Variants in ZNF326 observed in about 807,000 individuals in gnomAD.
ZNF326 encodes the protein DBIRD complex subunit ZNF326.
A neutral mutation model predicts 63.1 loss-of-function variants in ZNF326; 30 were observed. The ratio of observed to expected loss-of-function variants is 0.48; its 90% confidence interval spans 0.36 to 0.64. The LOEUF (loss-of-function observed/expected upper bound fraction) is 0.64. Among genes scored for constraint, ZNF326 ranks in the 30% least tolerant of loss-of-function variants. ZNF326 has a pLI of 0.00. For synonymous variants in ZNF326, 194 were observed against 228.2 expected (o/e 0.85, Z 1.35); for missense variants, 609 against 720.3 (o/e 0.85, Z 1.77).
chr1:90,011,607 G>T (rs1398636416), intron 6 of ZNF326, among the ~76,000 whole-genome samples: 1 of 149,354 alleles, frequency 6.7e-6, no homozygotes, highest in Non-Finnish European at 1.5e-5. Context: ...TACCCACTTG[G>T]ATGGTCATAA....
rs554643375 is a variant in ZNF326, at chr1:90,033,334, G to A, written c.*5633G>A. 1 of 152,048 alleles carries A rather than the reference G, an allele frequency of 6.6e-6. No individual in the cohort carries two copies. Among genetic ancestry groups the A allele is most frequent in the Non-Finnish European group, 1.5e-5 (1 of 68,002 alleles). 9.4% of individuals were successfully genotyped at this position (152,048 alleles called of 1,614,324 possible). A position where few individuals can be genotyped will look rare whatever the true frequency, so the allele number is the denominator to read the frequency against. ...AGAAACAGCAAATATTTAAGGAAAA[G>A]AGCAACATGAAAAATACACAGCAAA... On this transcript the variant is annotated 3_prime_UTR_variant, in exon 12 of 12. Coordinates refer to ENST00000340281, the MANE Select transcript of ZNF326 (RefSeq NM_182976.4).
chr1:90,005,791 G>T lies in ZNF326; in HGVS notation c.209+547G>T, dbSNP rs1471647079. The T allele has an allele frequency of 5.1e-6, 5 of 984,924 alleles. No individual in the cohort carries two copies. The Admixed American group carries it at 1.8e-4, about 36-fold the overall frequency. 61.0% of individuals were successfully genotyped at this position (984,924 alleles called of 1,614,324 possible). On this transcript the variant is annotated intron_variant, in intron 4 of 11. Coordinates refer to ENST00000340281, the MANE Select transcript of ZNF326 (RefSeq NM_182976.4). ...AAAATATTTTTAAAATTATGTTCAG[G>T]TTATTTATTGACAGGTACTACTTAC...
Position 90,006,494 on chromosome 1 carries a change from ATTTC to A in ZNF326, c.210-848_210-845del, listed in dbSNP as rs144348208. On this transcript the variant is annotated intron_variant, in intron 4 of 11. Coordinates refer to ENST00000340281, the MANE Select transcript of ZNF326 (RefSeq NM_182976.4). ...GGGTTTGTGAGAAGGAAGATGATTTATTTCTTCTGTTAACTCTCTTAAAACCTCG... is the reference window on the plus strand; with the variant it reads ...GGGTTTGTGAGAAGGAAGATGATTTATTCTGTTAACTCTCTTAAAACCTCG... The A allele has an allele frequency of 5.6e-4, 554 of 984,768 alleles. 4 individuals are homozygous for A. In the African/African-American group the frequency reaches 9.0e-3, roughly 16 times the overall value. The allele number at this position is 984,768 out of a possible 1,614,324, so 61.0% of individuals were successfully genotyped here. A position where few individuals can be genotyped will look rare whatever the true frequency, so the allele number is the denominator to read the frequency against.
intron 8 of ZNF326, among the ~76,000 whole-genome samples, chr1:90,017,866 TAATG>T (rs1317621113): frequency 6.6e-6 from 1 of 152,108 alleles, no homozygotes; most frequent in African/African-American, 2.4e-5. Context: ...AATTCAGAAA[TAATG>T]TAGGAGTTTA....
intron 7 of ZNF326, among the ~76,000 whole-genome samples, chr1:90,014,034 C>T (rs1185799493): frequency 6.6e-6 from 1 of 150,992 alleles, no homozygotes; most frequent in Non-Finnish European, 1.5e-5. Flanking sequence ...CACTGCACTC[C>T]AGCCTGGGCA....
At chr1:90,012,623 T>A (rs1649305050) in intron 6 of ZNF326, among the ~76,000 whole-genome samples, 1 of 152,168 alleles carries the variant, frequency 6.6e-6, no homozygotes, top group African/African-American at 2.4e-5. Flanking sequence ...GAATATTTTT[T>A]AAAAAAGAGA....
chr1:90,010,425 C>T (rs1240940072), intron 6 of ZNF326, 139 bp downstream of exon 6: 5 of 881,794 alleles, frequency 5.7e-6, no homozygotes, highest in African/African-American at 3.4e-5. Context: ...TGTAAATCCC[C>T]TATTGCAGTT....
Position 90,033,317 on chromosome 1 carries a change from C to T in ZNF326, c.*5616C>T, listed in dbSNP as rs1650351507. ...TTGCAAGTAGACAAATGAGAAACAGCAAATATTTAAGGAAAAGAGCAACAT... is the reference window on the plus strand; with the variant it reads ...TTGCAAGTAGACAAATGAGAAACAGTAAATATTTAAGGAAAAGAGCAACAT... On this transcript the variant is annotated 3_prime_UTR_variant, in exon 12 of 12. Transcript: ENST00000340281. The T allele has an allele frequency of 6.6e-6, 1 of 151,768 alleles. No homozygotes were observed. The highest frequency in any genetic ancestry group is 1.5e-5 in the Non-Finnish European group (1 of 67,972). 9.4% of individuals were successfully genotyped at this position (151,768 alleles called of 1,614,324 possible). A position where few individuals can be genotyped will look rare whatever the true frequency, so the allele number is the denominator to read the frequency against.
intron 6 of ZNF326, among the ~76,000 whole-genome samples, chr1:90,011,441 A>G (rs959279304): frequency 6.6e-6 from 1 of 152,148 alleles, no homozygotes; most frequent in Non-Finnish European, 1.5e-5. Flanking sequence ...TAATATATAA[A>G]TAAGTAGATT....
chr1:90,004,801 T>TTC (rs1306342644), intron 2 of ZNF326, among the ~76,000 whole-genome samples: 27 of 147,868 alleles, frequency 1.8e-4, no homozygotes, highest in African/African-American at 6.6e-4. Context: ...ATCAGGGCTT[T>TTC]TTTTTTTTTT....
intron 7 of ZNF326, among the ~76,000 whole-genome samples, chr1:90,014,317 C>G (rs1044021688): frequency 1.3e-5 from 2 of 151,948 alleles, no homozygotes; most frequent in African/African-American, 4.8e-5. Flanking sequence ...AAAATATAAA[C>G]ATGAGAAATG....
chr1:90,018,649 G>A, intron 8 of ZNF326, 36 bp from the exon 9 acceptor site: 3 of 1,303,222 alleles, frequency 2.3e-6, no homozygotes, highest in Non-Finnish European at 3.2e-6. Context: ...AGTGCTCATT[G>A]AAAGCTATTT....
chr1:90,017,136 A>G (rs2101080247), intron 7 of ZNF326, among the ~76,000 whole-genome samples, 181 bp from the exon 8 acceptor site: 1 of 152,224 alleles, frequency 6.6e-6, no homozygotes, highest in East Asian at 1.9e-4. Context: ...GTATATGGGT[A>G]CTGTCCAAAT....
At chr1:90,027,288 A>AT (rs1650054403) in intron 11 of ZNF326, 66 bp from the exon 12 acceptor site, 1 of 1,477,870 alleles carries the variant, frequency 6.8e-7, no homozygotes, top group African/African-American at 1.4e-5. Context: ...GCAAGTAAAA[A>AT]TTTCACTTGC....
At position 90,000,038 on chromosome 1, in the gene ZNF326, T is replaced by G. The variant is rs552774739; in HGVS notation, c.61+1884T>G. ...ATGATCATTGCGAGGGAGAGTAACA[T>G]AGAGAAGGAGGATAAATGTGTGTGT... On this transcript the variant is annotated intron_variant, in intron 2 of 11. Transcript: ENST00000340281. Among the ~76,000 whole-genome samples, 9 of 152,264 alleles carry G rather than the reference T, an allele frequency of 5.9e-5. No individual in the cohort carries two copies. The South Asian group carries it at 1.9e-3, about 32-fold the overall frequency.
At chr1:90,022,573 A>G (rs947671834) in intron 11 of ZNF326, among the ~76,000 whole-genome samples, 2 of 152,246 alleles carry the variant, frequency 1.3e-5, no homozygotes, top group Non-Finnish European at 2.9e-5. Flanking sequence ...TCAATGAGAA[A>G]TACACAAGCA....
rs1395694801 is a variant in ZNF326 at position 90,035,471 on chromosome 1, T to C, written c.*7770T>C. 1 of 152,058 alleles carries C rather than the reference T, an allele frequency of 6.6e-6. No individual in the cohort carries two copies. Among genetic ancestry groups the C allele is most frequent in the Non-Finnish European group, 1.5e-5 (1 of 67,996 alleles). 9.4% of individuals were successfully genotyped at this position (152,058 alleles called of 1,614,324 possible). A position where few individuals can be genotyped will look rare whatever the true frequency, so the allele number is the denominator to read the frequency against. On this transcript the variant is annotated 3_prime_UTR_variant, in exon 12 of 12. Coordinates refer to ENST00000340281, the MANE Select transcript of ZNF326 (RefSeq NM_182976.4). ...GTCTAAGAATAAACAATGGGAAAAA[T>C]GCAAAATCCTTATGAGGAAAATGAT...
At position 90,014,139 on chromosome 1, in the gene ZNF326, C is replaced by A. The variant is rs561940539; in HGVS notation, c.926+902C>A. On this transcript the variant is annotated intron_variant, in intron 7 of 11. Coordinates refer to ENST00000340281, the MANE Select transcript of ZNF326 (RefSeq NM_182976.4). The stretch of plus-strand genomic sequence containing the variant: ...CAGTTTAGAGCCTCCTCATATGACA[C>A]CTGGAATGAATGTAGTAAAAAAAAA... Among the ~76,000 whole-genome samples the A allele has an allele frequency of 2.0e-5, 3 of 151,416 alleles. No homozygotes were observed. The East Asian group carries it at 5.8e-4, about 29-fold the overall frequency.
Position 90,020,839 on chromosome 1 carries a change from A to G in ZNF326, c.1222A>G (p.Ser408Gly). ...GATGAAGGTAGAGACAGTTCATTGC[A>G]GCGCTTGCAGTGTTTATATCCCTGC... ...HMMKVETVHC[S>G]ACSVYIPALH... is the part of the protein sequence containing the mutation. Residue 408 changes from serine to glycine, a missense_variant, in exon 10 of 12, where the codon AGC (serine) becomes GGC (glycine). By Grantham distance (56) the Ser-to-Gly change is moderately conservative. Transcript: ENST00000340281. The G allele has an allele frequency of 6.2e-7, 1 of 1,613,142 alleles. No homozygotes were observed. The highest frequency in any genetic ancestry group is 1.1e-5 in the South Asian group (1 of 91,006).
Sources: gnomAD v4.1 joint callset for allele counts (sites outside exome capture counted in the v4.1 genomes callset) on GRCh38, gnomAD v4.1.1 for gene constraint, MANE v1.5 for transcripts, NCBI Gene and HGNC (gene_info 2026-07-23, HGNC 2026-07-21) for gene names.